The following TMEM143 variants were observed in gnomAD, a reference collection of about 807,000 sequenced individuals.
TMEM143 encodes transmembrane protein 143.
TMEM143 carries 45 observed loss-of-function variants against 40.3 expected under a neutral mutation model. That is an observed-to-expected ratio of 1.12 (90% confidence interval 0.88 to 1.43). The LOEUF (loss-of-function observed/expected upper bound fraction) is 1.43, where lower values mean the gene tolerates loss of function less well. Among genes scored for constraint, TMEM143 ranks in the 40% most tolerant of loss-of-function variants. TMEM143 has a pLI of 0.00. For synonymous variants in TMEM143, 299 were observed against 282.7 expected, an observed-to-expected ratio of 1.06 and a Z score of -0.58; for missense variants, 620 against 613.4, an observed-to-expected ratio of 1.01 and a Z score of -0.11.
intron 3 of TMEM143, among the ~76,000 whole-genome samples, chr19:48,358,352 C>T (rs1934023016): frequency 6.6e-6 from 1 of 151,222 alleles, no homozygotes; most frequent in Non-Finnish European, 1.5e-5. Context: ...CCATTGCACT[C>T]TAGCCTGGGC....
At chr19:48,363,554 G>A (rs1444492080) in intron 1 of TMEM143, 23 bp from the exon 2 acceptor site, 3 of 1,581,972 alleles carry the variant, frequency 1.9e-6, no homozygotes, top group East Asian at 2.2e-5. Context: ...AAATGGGCAG[G>A]GGTCAAAGGC....
intron 2 of TMEM143, among the ~76,000 whole-genome samples, chr19:48,362,672 T>A (rs1345720938): frequency 6.6e-6 from 1 of 152,146 alleles, no homozygotes; most frequent in Non-Finnish European, 1.5e-5. Context: ...GTGCAAAATT[T>A]AACGGGGCAC....
Position 48,363,295 on chromosome 19 carries a change from A to T in TMEM143, c.260T>A (p.Ile87Lys). The part of the protein sequence containing the change: ...FSKEQLLRLL[I>K]QEFHSSPAEK... ...TGGGCCTGGGACAGGCGGTACCTGT[A>T]TTAGGAGGCGGAGCAGCTGCTCCTT... is the stretch of plus-strand genomic sequence containing the variant. The change falls in exon 2 of 8, where the codon ATA becomes AAA. Residue 87 changes from isoleucine (I) to lysine (K), a missense_variant. By Grantham distance (102) the Ile-to-Lys change is moderately radical. Transcript: ENST00000293261. The T allele has an allele frequency of 6.2e-7, 1 of 1,613,640 alleles. No homozygotes were observed. Among genetic ancestry groups the T allele is most frequent in the Non-Finnish European group, 8.5e-7 (1 of 1,179,808 alleles).
chr19:48,359,663 C>T (rs1051350378), intron 3 of TMEM143, among the ~76,000 whole-genome samples: 2 of 152,018 alleles, frequency 1.3e-5, no homozygotes, highest in Admixed American at 1.3e-4. Flanking sequence ...CCCCCCACCA[C>T]GCCCAGCTAA....
intron 6 of TMEM143, among the ~76,000 whole-genome samples, chr19:48,337,694 A>C (rs1193192284): frequency 6.6e-6 from 1 of 151,994 alleles, no homozygotes; most frequent in East Asian, 1.9e-4. Context: ...CTGAGGTGAA[A>C]TGCCTCTCAA....
rs140924981 is a variant in TMEM143 at position 48,357,889 on chromosome 19, G to A, written c.369+2183C>T. On this transcript the variant is annotated intron_variant, in intron 3 of 7. Coordinates refer to ENST00000293261, the MANE Select transcript of TMEM143 (RefSeq NM_018273.4). Reference sequence around the variant, plus strand: ...GAAGCTAAGTAAGCTATGAGGGTGCGAAGATACACAGAGTGATATAATGGA... The same window carrying A: ...GAAGCTAAGTAAGCTATGAGGGTGCAAAGATACACAGAGTGATATAATGGA... 3.3e-3 allele frequency among the ~76,000 whole-genome samples: 501 copies of A among 149,722 alleles called. 3 individuals are homozygous for A. Among genetic ancestry groups the A allele is most frequent in the African/African-American group, 0.012 (481 of 40,712 alleles).
At chr19:48,360,233 A>G in intron 2 of TMEM143, 57 bp from the exon 3 acceptor site, 1 of 1,546,552 alleles carries the variant, frequency 6.5e-7, no homozygotes, top group Non-Finnish European at 8.9e-7. Context: ...CCCGAGGGAA[A>G]GAATTCTTTC....
chr19:48,338,973 C>T (rs62131989), intron 6 of TMEM143, among the ~76,000 whole-genome samples: 9,018 of 152,132 alleles, frequency 0.059, 424 homozygotes, highest in African/African-American at 0.12. Flanking sequence ...AGGCAGAGAA[C>T]GAGGGATGGC....
chr19:48,337,957 G>C (rs898967931), intron 6 of TMEM143, among the ~76,000 whole-genome samples: 1 of 152,170 alleles, frequency 6.6e-6, no homozygotes, highest in Non-Finnish European at 1.5e-5. Flanking sequence ...TAAAGGAGCA[G>C]GTCACTCTGT....
Position 48,360,095 on chromosome 19 carries a change from G to A in TMEM143, c.346C>T (p.His116Tyr). Residue 116 changes from histidine to tyrosine, a missense_variant, in exon 3 of 8, where the codon CAC (histidine) becomes TAC (tyrosine). Physicochemically the swap from His to Tyr is moderately conservative, Grantham distance 83. Coordinates refer to ENST00000293261, the MANE Select transcript of TMEM143 (RefSeq NM_018273.4). ...HVDFCTLFHY[H>Y]QILARLQALY... is the part of the protein sequence containing the mutation. The stretch of plus-strand genomic sequence containing the variant: ...ACCTGCAGCCGGGCCAGGATTTGGT[G>A]GTAGTGGAACAGGGTGCAGAAGTCC... 6.2e-7 allele frequency: 1 copy of A among 1,614,148 alleles called. No homozygotes were observed. Among genetic ancestry groups the A allele is most frequent in the Non-Finnish European group, 8.5e-7 (1 of 1,180,002 alleles).
intron 1 of TMEM143, 68 bp downstream of exon 1, chr19:48,363,830 C>A: frequency 1.2e-6 from 2 of 1,608,598 alleles, no homozygotes; most frequent in East Asian, 2.2e-5. Context: ...AGGAAATGCT[C>A]GTAAAGGTTA....
chr19:48,362,467 T>G (rs151207075), intron 2 of TMEM143, among the ~76,000 whole-genome samples: 2,869 of 152,182 alleles, frequency 0.019, 83 homozygotes, highest in African/African-American at 0.066. Context: ...GAGGTTGCAG[T>G]GAGCTGAGAT....
At chr19:48,357,478 C>T (rs529785901) in intron 3 of TMEM143, among the ~76,000 whole-genome samples, 13 of 151,710 alleles carry the variant, frequency 8.6e-5, no homozygotes, top group Non-Finnish European at 1.6e-4. Flanking sequence ...CTCAGCCTCC[C>T]GAGTAGCTGG....
chr19:48,334,084 G>C lies in TMEM143; in HGVS notation c.1089C>G (p.Asp363Glu), dbSNP rs751577333. Residue 363 changes from aspartate (D) to glutamate (E), a missense_variant, in exon 7 of 8, where the codon GAC (aspartate) becomes GAG (glutamate). Transcript: ENST00000293261. ...CCAGCAGCGCCTCCTTGGTGTGCTCGTCCTGCGCGCGCAGGGCCAGGGCGC... is the reference window on the plus strand; with the variant it reads ...CCAGCAGCGCCTCCTTGGTGTGCTCCTCCTGCGCGCGCAGGGCCAGGGCGC... The part of the protein sequence containing the change: ...LLSALALRAQ[D>E]EHTKEALLAH... 40 of 1,589,304 alleles carry C rather than the reference G, an allele frequency of 2.5e-5. No homozygotes were observed. In the South Asian group the frequency reaches 4.3e-4, roughly 17 times the overall value.
chr19:48,338,874 G>T (rs1214313121), intron 6 of TMEM143, among the ~76,000 whole-genome samples: 1 of 152,228 alleles, frequency 6.6e-6, no homozygotes, highest in Non-Finnish European at 1.5e-5. Context: ...AGAGCAGGCA[G>T]CCTCTGAGCT....
At chr19:48,346,343 C>T (rs1040993601) in intron 3 of TMEM143, among the ~76,000 whole-genome samples, 2 of 151,954 alleles carry the variant, frequency 1.3e-5, no homozygotes, top group African/African-American at 2.4e-5. Flanking sequence ...GCAACCACCT[C>T]GGCCTCCCAA....
chr19:48,342,093 A>G (rs1969500739), intron 6 of TMEM143, among the ~76,000 whole-genome samples: 2 of 107,484 alleles, frequency 1.9e-5, no homozygotes, highest in South Asian at 3.7e-4. Flanking sequence ...GAGAAAGGGA[A>G]GGGGGGAGGA....
At chr19:48,343,221 C>G in intron 5 of TMEM143, 100 bp downstream of exon 5, 3 of 1,446,930 alleles carry the variant, frequency 2.1e-6, no homozygotes, top group Non-Finnish European at 2.7e-6. Flanking sequence ...AACTTCCCGC[C>G]TGGGGCCCAG....
intron 6 of TMEM143, among the ~76,000 whole-genome samples, chr19:48,337,967 T>C (rs1050972906): frequency 2.0e-5 from 3 of 152,184 alleles, no homozygotes; most frequent in African/African-American, 7.2e-5. Context: ...GGTCACTCTG[T>C]GGCACACAGA....
Sources: allele counts gnomAD v4.1 joint callset (sites outside exome capture counted in the v4.1 genomes callset), GRCh38; gene constraint gnomAD v4.1.1; transcripts MANE v1.5; gene names NCBI Gene and HGNC (gene_info 2026-07-23, HGNC 2026-07-21).